Variants in PTGR1 observed in about 807,000 individuals in gnomAD.
PTGR1 encodes the protein 15-oxoprostaglandin 13-reductase.
A neutral mutation model predicts 37.7 loss-of-function variants in PTGR1; 23 were observed. The ratio of observed to expected loss-of-function variants is 0.61; its 90% CI spans 0.44 to 0.86. The LOEUF (loss-of-function observed/expected upper bound fraction) is 0.86. PTGR1 is among the 40% of genes least tolerant of loss of function. The probability of loss-of-function intolerance (pLI) is 0.00; values close to 1 mark genes in which losing one functional copy is unlikely to be tolerated. For missense variants in PTGR1, 351 were observed against 394.3 expected (o/e 0.89, Z 0.93); for synonymous variants, 134 against 140.0 (o/e 0.96, Z 0.30).
intron 9 of PTGR1, chr9:111,564,334 C>T: frequency 1.7e-6 from 1 of 585,866 alleles, no homozygotes; most frequent in Non-Finnish European, 2.2e-6. Flanking sequence ...GAGACAGGGT[C>T]TCACTCTGTC....
intron 4 of PTGR1, among the ~76,000 whole-genome samples, chr9:111,586,686 T>C (rs1238457167): frequency 1.3e-5 from 2 of 152,046 alleles, no homozygotes; most frequent in East Asian, 3.9e-4. Flanking sequence ...CGCTGCAACC[T>C]GCCTTCCACC....
Position 111,585,992 on chromosome 9 carries a change from A to G in PTGR1, c.377+6T>C. ...CAAACAAATGGAATATATCCATGAAACTCACCCTGGCATGCCAACTGTCCC... is the reference window on the plus strand; with the variant it reads ...CAAACAAATGGAATATATCCATGAAGCTCACCCTGGCATGCCAACTGTCCC... On this transcript the variant is annotated splice_donor_region_variant and intron_variant, in intron 5 of 9. Transcript: ENST00000407693. 1 of 1,613,780 alleles carries G rather than the reference A, an allele frequency of 6.2e-7. No individual in the cohort carries two copies. The highest frequency in any genetic ancestry group is 1.7e-4 in the Middle Eastern group (1 of 6,056).
intron 2 of PTGR1, among the ~76,000 whole-genome samples, chr9:111,594,846 G>A (rs972810957): frequency 7.2e-6 from 1 of 139,502 alleles, no homozygotes; most frequent in African/African-American, 2.7e-5. Flanking sequence ...CACTGCGACC[G>A]GCCTCTTTTT....
rs192195525 is a variant in PTGR1, at chr9:111,598,248, G to A, written c.-10-816C>T. On this transcript the variant is annotated intron_variant, in intron 1 of 9. Coordinates refer to ENST00000407693, the MANE Select transcript of PTGR1 (RefSeq NM_001146108.2). ...AGATGATGAAGGCTGCCCCGAGCTGGGGGTTCAGGATGTTCTGCTTGGACT... is the reference window on the plus strand; with the variant it reads ...AGATGATGAAGGCTGCCCCGAGCTGAGGGTTCAGGATGTTCTGCTTGGACT... Among the ~76,000 whole-genome samples, 9 of 152,280 alleles carry A rather than the reference G, an allele frequency of 5.9e-5. No homozygotes were observed. The East Asian group carries it at 1.7e-3, about 29-fold the overall frequency.
intron 6 of PTGR1, among the ~76,000 whole-genome samples, chr9:111,580,548 G>A (rs1297599397): frequency 3.3e-5 from 5 of 152,092 alleles, no homozygotes. Context: ...CGGAGGTCGG[G>A]AGTTCGAGAC....
At chr9:111,554,389 C>T (rs1277868407) in intron 9 of PTGR1, among the ~76,000 whole-genome samples, 5 of 152,122 alleles carry the variant, frequency 3.3e-5, no homozygotes, top group Non-Finnish European at 7.4e-5. Context: ...ATACAGCTTT[C>T]CCCTCATTGT....
At position 111,563,513 on chromosome 9, in the gene PTGR1, T is replaced by C. The variant is rs534333846; in HGVS notation, c.880-282A>G. 4.6e-5 allele frequency: 10 copies of C among 217,140 alleles called. No individual in the cohort carries two copies. In the East Asian group the frequency reaches 8.1e-4, roughly 18 times the overall value. 13.5% of individuals were successfully genotyped at this position (217,140 alleles called of 1,614,324 possible). On this transcript the variant is annotated intron_variant, in intron 9 of 9. Transcript: ENST00000407693. ...TTAAGCAATCTCTTTTTCTTTCTTT[T>C]TTTTTTTTTTGAGACAGAGTCTCGC...
intron 9 of PTGR1, among the ~76,000 whole-genome samples, chr9:111,557,360 C>T (rs544285658): frequency 1.2e-4 from 18 of 150,402 alleles, no homozygotes; most frequent in East Asian, 2.0e-4. Flanking sequence ...GGCGACAGAT[C>T]GAGACTCCAT....
chr9:111,564,763 A>G (rs1352102536), intron 9 of PTGR1, among the ~76,000 whole-genome samples: 1 of 152,136 alleles, frequency 6.6e-6, no homozygotes, highest in Non-Finnish European at 1.5e-5. Context: ...CCAAATCCAT[A>G]TGTTTAAGTC....
At chr9:111,593,176 A>G (rs1164747939) in intron 3 of PTGR1, among the ~76,000 whole-genome samples, 194 bp from the exon 4 acceptor site, 1 of 152,142 alleles carries the variant, frequency 6.6e-6, no homozygotes, top group East Asian at 1.9e-4. Context: ...GAAAGCTGTT[A>G]GAGGAAGTTC....
At chr9:111,573,865 T>A (rs1481324845) in intron 8 of PTGR1, among the ~76,000 whole-genome samples, 2 of 152,084 alleles carry the variant, frequency 1.3e-5, no homozygotes. Context: ...GGTTTCAGCA[T>A]AAGAGAGTAG....
chr9:111,595,526 A>G (rs564464597), intron 2 of PTGR1, among the ~76,000 whole-genome samples: 16 of 152,356 alleles, frequency 1.1e-4, no homozygotes, highest in African/African-American at 3.8e-4. Flanking sequence ...AATTTGAGTC[A>G]TGGCCATCAT....
chr9:111,572,544 C>T (rs772849060), intron 8 of PTGR1, among the ~76,000 whole-genome samples: 1 of 151,914 alleles, frequency 6.6e-6, no homozygotes, highest in Non-Finnish European at 1.5e-5. Context: ...GAGCCGAGAT[C>T]GTGCCATTGC....
At chr9:111,568,429 G>A (rs974471802) in intron 9 of PTGR1, among the ~76,000 whole-genome samples, 5 of 152,128 alleles carry the variant, frequency 3.3e-5, no homozygotes, top group Admixed American at 1.3e-4. Flanking sequence ...GGTCAGACTG[G>A]TTCTCTGCTT....
chr9:111,569,627 T>C (rs533873659), intron 9 of PTGR1, among the ~76,000 whole-genome samples: 75 of 152,210 alleles, frequency 4.9e-4, no homozygotes, highest in Non-Finnish European at 9.1e-4. Flanking sequence ...TAGCTGGGCG[T>C]GGTGGTACAC....
intron 9 of PTGR1, 142 bp from the exon 10 acceptor site, chr9:111,563,373 G>A: frequency 2.5e-6 from 2 of 803,110 alleles, no homozygotes; most frequent in Non-Finnish European, 3.7e-6. Flanking sequence ...CCATGAACTT[G>A]AAGTCAAGGT....
chr9:111,586,172 G>T lies in PTGR1; in HGVS notation c.210-7C>A, dbSNP rs1470019903. 3 of 1,613,350 alleles carry T rather than the reference G, an allele frequency of 1.9e-6. No individual in the cohort carries two copies. The highest frequency in any genetic ancestry group is 2.2e-5 in the South Asian group (2 of 90,994). ...ATTTTTACTTTCCACAACTCTGAAA[G>T]ATAAAGCACATTAAGGCATTAAGGC... On this transcript the variant is annotated splice_polypyrimidine_tract_variant and splice_region_variant and intron_variant, in intron 4 of 9. Coordinates refer to ENST00000407693, the MANE Select transcript of PTGR1 (RefSeq NM_001146108.2).
intron 5 of PTGR1, among the ~76,000 whole-genome samples, 187 bp downstream of exon 5, chr9:111,585,811 C>A (rs563347291): frequency 1.2e-4 from 19 of 152,210 alleles, no homozygotes; most frequent in Non-Finnish European, 2.4e-4. Context: ...ACCACGTTTT[C>A]TTTATCCATT....
At position 111,593,214 on chromosome 9, in the gene PTGR1, G is replaced by C. The variant is rs113546304; in HGVS notation, c.153-232C>G. ...CTCTGTGACCTCAGATAAGCACTCT[G>C]ATTGGATTTTTTTATGAGTGAACAC... On this transcript the variant is annotated intron_variant, in intron 3 of 9. Transcript: ENST00000407693. Among the ~76,000 whole-genome samples the C allele has an allele frequency of 5.4e-4, 82 of 152,188 alleles. 1 individual carries two copies. Among genetic ancestry groups the C allele is most frequent in the African/African-American group, 1.9e-3 (78 of 41,508 alleles).
Sources: gnomAD v4.1 joint callset for allele counts (sites outside exome capture counted in the v4.1 genomes callset) on GRCh38, gnomAD v4.1.1 for gene constraint, MANE v1.5 for transcripts, NCBI Gene and HGNC (gene_info 2026-07-23, HGNC 2026-07-21) for gene names.